Variants in KCTD8 observed in about 807,000 individuals in gnomAD.
The protein encoded by KCTD8 is potassium channel tetramerization domain containing 8.
A neutral mutation model predicts 31.5 loss-of-function variants in KCTD8; 27 were observed. The observed-to-expected ratio is 0.86, with a 90% CI of 0.63 to 1.18. The LOEUF is 1.18. KCTD8 is among the 50% of genes most tolerant of loss of function. KCTD8 has a pLI of 0.00. For synonymous variants in KCTD8, 290 were observed against 280.0 expected, an observed-to-expected ratio of 1.04 and a Z score of -0.36; for missense variants, 658 against 647.7, an observed-to-expected ratio of 1.02 and a Z score of -0.17.
At chr4:44,271,877 A>G (rs1244330771) in intron 1 of KCTD8, among the ~76,000 whole-genome samples, 1 of 152,020 alleles carries the variant, frequency 6.6e-6, no homozygotes, top group Non-Finnish European at 1.5e-5. Context: ...GAAGGCTGTG[A>G]GTCCCCTGAT....
intron 1 of KCTD8, among the ~76,000 whole-genome samples, chr4:44,264,246 G>C (rs544673862): frequency 6.6e-6 from 1 of 152,220 alleles, no homozygotes; most frequent in South Asian, 2.1e-4. Context: ...TTGAATATTA[G>C]CTATTCTTTA....
intron 1 of KCTD8, among the ~76,000 whole-genome samples, chr4:44,314,680 A>G (rs1037161652): frequency 6.6e-6 from 1 of 152,080 alleles, no homozygotes; most frequent in African/African-American, 2.4e-5. Context: ...GCACATTTAC[A>G]CAGCAGGGAT....
rs953245156 is a variant in KCTD8 at position 44,287,206 on chromosome 4, C to A, written c.962-111956G>T. On this transcript the variant is annotated intron_variant, in intron 1 of 1. Transcript: ENST00000360029. The stretch of plus-strand genomic sequence containing the variant: ...CCGAAGGAGGAGGAATGCTTGAGCC[C>A]ATGAGTTCAAGACCAGCCTGGACAA... Among the ~76,000 whole-genome samples, 3 of 151,978 alleles carry A rather than the reference C, an allele frequency of 2.0e-5. No individual in the cohort carries two copies. The East Asian group carries it at 5.8e-4, about 29-fold the overall frequency.
chr4:44,286,703 T>C (rs1219415349), intron 1 of KCTD8, among the ~76,000 whole-genome samples: 1 of 152,104 alleles, frequency 6.6e-6, no homozygotes, highest in African/African-American at 2.4e-5. Context: ...TACTGGAGTG[T>C]TTTACATAGG....
chr4:44,327,323 T>C (rs1032234587), intron 1 of KCTD8, among the ~76,000 whole-genome samples: 6 of 151,992 alleles, frequency 3.9e-5, no homozygotes, highest in Non-Finnish European at 8.8e-5. Flanking sequence ...TCTCAGAATC[T>C]ACTTTTTTAC....
chr4:44,276,156 T>C (rs542859778), intron 1 of KCTD8, among the ~76,000 whole-genome samples: 186 of 152,056 alleles, frequency 1.2e-3, no homozygotes, highest in African/African-American at 4.2e-3. Context: ...AAGAAAACCA[T>C]ATAAAAGTTG....
At chr4:44,288,180 C>T (rs1273070448) in intron 1 of KCTD8, among the ~76,000 whole-genome samples, 1 of 152,050 alleles carries the variant, frequency 6.6e-6, no homozygotes, top group African/African-American at 2.4e-5. Context: ...ATAAAAGGCA[C>T]TTAAGACTTG....
chr4:44,190,505 C>T (rs1425325593), intron 1 of KCTD8, among the ~76,000 whole-genome samples: 5 of 152,132 alleles, frequency 3.3e-5, no homozygotes, highest in East Asian at 1.9e-4. Flanking sequence ...AGACCCTAAT[C>T]GCCAGGCTAA....
intron 1 of KCTD8, among the ~76,000 whole-genome samples, chr4:44,373,369 A>C (rs1005091305): frequency 6.6e-6 from 1 of 151,784 alleles, no homozygotes; most frequent in African/African-American, 2.4e-5. Context: ...CAAAAAAAAA[A>C]AGGCCAATAG....
At chr4:44,185,484 T>A (rs1045645295) in intron 1 of KCTD8, among the ~76,000 whole-genome samples, 3 of 152,174 alleles carry the variant, frequency 2.0e-5, no homozygotes, top group African/African-American at 7.2e-5. Context: ...ACGATAAAAT[T>A]TGATTGTGAC....
At chr4:44,216,724 C>T (rs919499660) in intron 1 of KCTD8, among the ~76,000 whole-genome samples, 8 of 152,086 alleles carry the variant, frequency 5.3e-5, no homozygotes, top group African/African-American at 1.9e-4. Flanking sequence ...AGGACTTAAA[C>T]AGTTCACATA....
intron 1 of KCTD8, among the ~76,000 whole-genome samples, chr4:44,256,218 A>G (rs1042556857): frequency 1.3e-4 from 20 of 151,974 alleles, no homozygotes; most frequent in Admixed American, 1.2e-3. Context: ...ACAAGTCAAG[A>G]TAAGATTTAG....
chr4:44,214,483 G>C (rs897160775), intron 1 of KCTD8, among the ~76,000 whole-genome samples: 1 of 152,058 alleles, frequency 6.6e-6, no homozygotes, highest in Non-Finnish European at 1.5e-5. Flanking sequence ...ACAGTAATAA[G>C]AACAATGATA....
intron 1 of KCTD8, among the ~76,000 whole-genome samples, chr4:44,424,916 G>A (rs929291537): frequency 6.6e-6 from 1 of 151,850 alleles, no homozygotes; most frequent in Non-Finnish European, 1.5e-5. Flanking sequence ...ACTCCAAATG[G>A]GACTGCATTT....
chr4:44,235,576 T>TATATATATATATATA (rs1560402134), intron 1 of KCTD8, among the ~76,000 whole-genome samples: 7 of 56,864 alleles, frequency 1.2e-4, no homozygotes, highest in East Asian at 4.9e-4. Context: ...TATATATATA[T>TATATATATATATATA]TTAGAGAGAG....
intron 1 of KCTD8, among the ~76,000 whole-genome samples, chr4:44,230,928 C>T (rs561973785): frequency 6.6e-6 from 1 of 152,222 alleles, no homozygotes; most frequent in East Asian, 1.9e-4. Flanking sequence ...AATGTGATTT[C>T]TGAGCCCATC....
At position 44,441,135 on chromosome 4, in the gene KCTD8, T is replaced by C. The variant is rs565754836; in HGVS notation, c.961+6428A>G. Among the ~76,000 whole-genome samples the C allele has an allele frequency of 5.9e-5, 9 of 152,292 alleles. No homozygotes were observed. In the East Asian group the frequency reaches 1.7e-3, roughly 29 times the overall value. The stretch of plus-strand genomic sequence containing the variant: ...TTATACTTACAAATTATAAAGTAGC[T>C]AATTTACTTGTTGGAATGACTTTGA... On this transcript the variant is annotated intron_variant, in intron 1 of 1. Coordinates refer to ENST00000360029, the MANE Select transcript of KCTD8 (RefSeq NM_198353.3).
chr4:44,389,262 T>C (rs927460300), intron 1 of KCTD8, among the ~76,000 whole-genome samples: 1 of 151,796 alleles, frequency 6.6e-6, no homozygotes, highest in African/African-American at 2.4e-5. Flanking sequence ...GTGTACATTT[T>C]AAAATAAACA....
At chr4:44,278,647 C>G (rs1716816305) in intron 1 of KCTD8, among the ~76,000 whole-genome samples, 2 of 152,008 alleles carry the variant, frequency 1.3e-5, no homozygotes, top group Admixed American at 6.6e-5. Flanking sequence ...GAAAACGCAT[C>G]ACATTCACAT....
Sources: gnomAD v4.1 joint callset for allele counts (sites outside exome capture counted in the v4.1 genomes callset) on GRCh38, gnomAD v4.1.1 for gene constraint, MANE v1.5 for transcripts, NCBI Gene and HGNC (gene_info 2026-07-23, HGNC 2026-07-21) for gene names.